The following LIPA variants were observed in gnomAD, a reference collection of about 807,000 sequenced individuals.
LIPA encodes lipase A, lysosomal acid type, also known as lysosomal acid lipase/cholesteryl ester hydrolase.
In LIPA, 26 loss-of-function variants were observed where a neutral mutation model predicts 40.6. The observed-to-expected ratio is 0.64, with a 90% CI of 0.47 to 0.89. The LOEUF (loss-of-function observed/expected upper bound fraction) is 0.89, where lower values mean the gene tolerates loss of function less well. Ranked by LOEUF, LIPA falls within the 40% of genes least tolerant of loss-of-function variation. The pLI, the probability that LIPA is intolerant of heterozygous loss-of-function variation, is 0.00. For synonymous variants in LIPA, 188 were observed against 168.4 expected, an observed-to-expected ratio of 1.12 and a Z score of -0.90; for missense variants, 455 against 479.6, an observed-to-expected ratio of 0.95 and a Z score of 0.48.
rs112248349 is a variant in LIPA at position 89,227,012 on chromosome 10, C to G, written c.429-8G>C. The G allele has an allele frequency of 6.7e-7, 1 of 1,494,308 alleles. No homozygotes were observed. Among genetic ancestry groups the G allele is most frequent in the African/African-American group, 1.4e-5 (1 of 72,504 alleles). 92.6% of individuals were successfully genotyped at this position (1,494,308 alleles called of 1,614,324 possible). ...TTTGCCATCTCATCATAACTGTAAT[C>G]CAAGAAAGGAACTCTTTCATTGAAA... On this transcript the variant is annotated splice_region_variant and splice_polypyrimidine_tract_variant and intron_variant, in intron 4 of 9. Coordinates refer to ENST00000336233, the MANE Select transcript of LIPA (RefSeq NM_000235.4).
intron 2 of LIPA, among the ~76,000 whole-genome samples, chr10:89,360,227 T>C (rs535296090): frequency 6.6e-6 from 1 of 152,308 alleles, no homozygotes; most frequent in Admixed American, 6.5e-5. Flanking sequence ...GAGTAACAAC[T>C]ACTGTTTAAT....
intron 1 of LIPA, 121 bp from the exon 2 acceptor site, chr10:89,247,770 A>T: frequency 1.4e-6 from 1 of 701,708 alleles, no homozygotes; most frequent in Non-Finnish European, 2.6e-6. Context: ...AGGTGAAAGG[A>T]AAATATGAAA....
At chr10:89,382,887 T>C (rs895522431) in intron 2 of LIPA, among the ~76,000 whole-genome samples, 1 of 152,202 alleles carries the variant, frequency 6.6e-6, no homozygotes, top group Non-Finnish European at 1.5e-5. Flanking sequence ...AACCAAAATG[T>C]GTTTACGTGT....
In LIPA at chr10:89,223,725, A is replaced by G. The variant is rs1842730482; in HGVS notation, c.781T>C (p.Cys261Arg). The change falls in exon 7 of 10, where the codon TGT becomes CGT. Residue 261 changes from cysteine to arginine, a missense_variant. Coordinates refer to ENST00000336233, the MANE Select transcript of LIPA (RefSeq NM_000235.4). ...TCATTAAATCCACACAGAAGAAAAC[A>G]GAGATTTCCACAGAGCTCCTTCAGT... ...VILKELCGNLCFLLCGFNERN... is the reference protein window; with the variant it reads ...VILKELCGNLRFLLCGFNERN... The G allele has an allele frequency of 6.2e-7, 1 of 1,613,458 alleles. No individual in the cohort carries two copies. The highest frequency in any genetic ancestry group is 8.5e-7 in the Non-Finnish European group (1 of 1,179,390).
chr10:89,394,589 TATATATATATATATATA>T, intron 2 of LIPA, among the ~76,000 whole-genome samples: 1 of 17,996 alleles, frequency 5.6e-5, no homozygotes, highest in Admixed American at 5.1e-4. Flanking sequence ...TATATATATA[TATATATATATATATATA>T]TATATATATA....
At chr10:89,296,010 A>C (rs1843412831) in intron 1 of LIPA, among the ~76,000 whole-genome samples, 1 of 152,236 alleles carries the variant, frequency 6.6e-6, no homozygotes, top group African/African-American at 2.4e-5. Flanking sequence ...TGACCATGGC[A>C]AAACCTTTCT....
In LIPA at chr10:89,222,435, T is replaced by G; in HGVS notation, c.894+76A>C. ...TTTGTAAGCAGGTTGTCTTTCTATT[T>G]GGAAAGGGTTTGCATGCCCAGACCT... On this transcript the variant is annotated intron_variant, in intron 8 of 9. Transcript: ENST00000336233. 5.5e-6 allele frequency: 5 copies of G among 904,322 alleles called. No individual in the cohort carries two copies. The South Asian group carries it at 6.5e-5, about 12-fold the overall frequency. 56.0% of individuals were successfully genotyped at this position (904,322 alleles called of 1,614,324 possible).
intron 2 of LIPA, among the ~76,000 whole-genome samples, chr10:89,349,497 A>G (rs6586187): frequency 0.055 from 8,432 of 152,236 alleles, 642 homozygotes; most frequent in African/African-American, 0.17. Context: ...CCCTCAAAAG[A>G]TATAGGGAAA....
chr10:89,358,886 T>C (rs975297056), intron 2 of LIPA, among the ~76,000 whole-genome samples: 6 of 152,210 alleles, frequency 3.9e-5, no homozygotes, highest in African/African-American at 1.2e-4. Flanking sequence ...CTATAAGTTA[T>C]TGCATATTTC....
rs527249221 is a variant in LIPA at position 89,237,865 on chromosome 10, C to T, written c.229+7811G>A. Reference sequence around the variant, plus strand: ...GAAGTGGTCTACTTGCCCCCAAACACATCTTTAATTCAGTCTCTAAATCAG... The same window carrying T: ...GAAGTGGTCTACTTGCCCCCAAACATATCTTTAATTCAGTCTCTAAATCAG... On this transcript the variant is annotated intron_variant, in intron 3 of 9. Coordinates refer to ENST00000336233, the MANE Select transcript of LIPA (RefSeq NM_000235.4). Among the ~76,000 whole-genome samples, 22 of 152,282 alleles carry T rather than the reference C, an allele frequency of 1.4e-4. No homozygotes were observed. The South Asian group carries it at 4.6e-3, about 32-fold the overall frequency.
chr10:89,323,609 A>G (rs1177888465), intron 1 of LIPA, among the ~76,000 whole-genome samples: 7 of 152,192 alleles, frequency 4.6e-5, no homozygotes, highest in African/African-American at 1.4e-4. Context: ...AAATCAACAT[A>G]CAAAAATGAG....
At chr10:89,325,875 A>C (rs938230980) in intron 1 of LIPA, among the ~76,000 whole-genome samples, 13 of 152,202 alleles carry the variant, frequency 8.5e-5, no homozygotes, top group African/African-American at 3.1e-4. Context: ...TTAAAAAAAA[A>C]CCTACAATGA....
chr10:89,350,531 T>C (rs1444083281), intron 2 of LIPA, among the ~76,000 whole-genome samples: 1 of 151,994 alleles, frequency 6.6e-6, no homozygotes, highest in East Asian at 1.9e-4. Context: ...GGTCTCGAAC[T>C]CCAGACCTCG....
chr10:89,305,050 A>G (rs1305118041), intron 1 of LIPA, among the ~76,000 whole-genome samples: 1 of 152,072 alleles, frequency 6.6e-6, no homozygotes, highest in Admixed American at 6.5e-5. Flanking sequence ...ACTCAATGAG[A>G]TGTGTTAAGA....
At chr10:89,305,203 A>T (rs1843470692) in intron 1 of LIPA, among the ~76,000 whole-genome samples, 1 of 152,100 alleles carries the variant, frequency 6.6e-6, no homozygotes, top group African/African-American at 2.4e-5. Context: ...AAAAGCAGAT[A>T]AAATGAGTAA....
At chr10:89,401,369 C>T (rs1367501148) in intron 2 of LIPA, among the ~76,000 whole-genome samples, 4 of 152,074 alleles carry the variant, frequency 2.6e-5, no homozygotes, top group African/African-American at 9.7e-5. Context: ...GATCCACCTG[C>T]CTCGGCCTCC....
chr10:89,414,599 T>A (rs929622511), upstream of LIPA: 1 of 488,906 alleles, frequency 2.0e-6, no homozygotes, highest in East Asian at 3.6e-5. Flanking sequence ...TGATTCAATC[T>A]CCAGTTTCCT....
At chr10:89,414,518 T>C in exon 1 of LIPA, 1 of 423,712 alleles carries the variant, frequency 2.4e-6, no homozygotes, top group Non-Finnish European at 4.2e-6. Context: ...AGCTCTTCTA[T>C]TAAGTTTCGG....
intron 3 of LIPA, among the ~76,000 whole-genome samples, chr10:89,231,767 C>A (rs1471635334): frequency 1.3e-5 from 2 of 152,224 alleles, no homozygotes; most frequent in Non-Finnish European, 2.9e-5. Flanking sequence ...AGTGAAACAT[C>A]ATGTATGGCT....
Sources: allele counts gnomAD v4.1 joint callset (sites outside exome capture counted in the v4.1 genomes callset), GRCh38; gene constraint gnomAD v4.1.1; transcripts MANE v1.5; gene names NCBI Gene and HGNC (gene_info 2026-07-23, HGNC 2026-07-21).